The following PDGFC variants were observed in gnomAD, a reference collection of about 807,000 sequenced individuals.
The protein encoded by PDGFC is platelet derived growth factor C.
PDGFC carries 12 observed loss-of-function variants against 35.5 expected under a neutral mutation model. The observed-to-expected ratio is 0.34, with a 90% CI of 0.22 to 0.55. The LOEUF (loss-of-function observed/expected upper bound fraction) is 0.55, where lower values mean the gene tolerates loss of function less well. Among genes scored for constraint, PDGFC ranks in the 20% least tolerant of loss-of-function variants. The probability of loss-of-function intolerance (pLI) is 0.91; values close to 1 mark genes in which losing one functional copy is unlikely to be tolerated. For synonymous variants in PDGFC, 159 were observed against 148.8 expected (o/e 1.07, Z -0.50); for missense variants, 322 against 412.4 (o/e 0.78, Z 1.90).
chr4:156,921,283 G>A (rs1018683310), intron 1 of PDGFC, among the ~76,000 whole-genome samples: 1 of 152,142 alleles, frequency 6.6e-6, no homozygotes, highest in African/African-American at 2.4e-5. Context: ...ATAAGGGGTG[G>A]TGATCAGAAT....
At chr4:156,936,146 C>T (rs1408397700) in intron 1 of PDGFC, among the ~76,000 whole-genome samples, 1 of 152,200 alleles carries the variant, frequency 6.6e-6, no homozygotes, top group African/African-American at 2.4e-5. Flanking sequence ...TCTGTGACTT[C>T]CCATCACAGT....
At position 156,762,699 on chromosome 4, in the gene PDGFC, A is replaced by G. The variant is rs1730408818; in HGVS notation, c.*391T>C. ...ATGGAGCTTTAGAGTTAAGCAAGGC[A>G]ACGGAATCAGGTGCTCACTTGCACA... is the stretch of plus-strand genomic sequence containing the variant. On this transcript the variant is annotated 3_prime_UTR_variant, in exon 6 of 6. Coordinates refer to ENST00000502773, the MANE Select transcript of PDGFC (RefSeq NM_016205.3). 6.4e-6 allele frequency: 1 copy of G among 156,790 alleles called. No homozygotes were observed. The allele number at this position is 156,790 out of a possible 1,614,324, so 9.7% of individuals were successfully genotyped here.
intron 3 of PDGFC, among the ~76,000 whole-genome samples, chr4:156,807,174 A>C (rs2110933053): frequency 6.6e-6 from 1 of 152,152 alleles, no homozygotes; most frequent in African/African-American, 2.4e-5. Flanking sequence ...GGAGAATAAT[A>C]TTTCTATAAA....
At chr4:156,909,251 T>C (rs1256878905) in intron 1 of PDGFC, among the ~76,000 whole-genome samples, 2 of 152,204 alleles carry the variant, frequency 1.3e-5, no homozygotes, top group Non-Finnish European at 1.5e-5. Context: ...TTTTATGGTA[T>C]GTGAATTATA....
chr4:156,884,416 A>T (rs1730326593), intron 1 of PDGFC, among the ~76,000 whole-genome samples: 1 of 152,190 alleles, frequency 6.6e-6, no homozygotes, highest in Admixed American at 6.5e-5. Context: ...TGCAGATCAC[A>T]CCGAACCTAG....
rs115874043 is a variant in PDGFC at position 156,792,130 on chromosome 4, C to A, written c.495+18707G>T. Among the ~76,000 whole-genome samples, 369 of 152,216 alleles carry A rather than the reference C, an allele frequency of 2.4e-3. 2 individuals carry two copies. The highest frequency in any genetic ancestry group is 8.4e-3 in the African/African-American group (350 of 41,520). ...CTTTGTCTGCTTAAAACAAATGTGA[C>A]CAGTGAACTGAAATTCTTAATGTTC... is the stretch of plus-strand genomic sequence containing the variant. On this transcript the variant is annotated intron_variant, in intron 3 of 5. Transcript: ENST00000502773.
At chr4:156,770,595 T>TTACAAACAACA (rs1730669128) in intron 4 of PDGFC, 1 of 152,084 alleles carries the variant, frequency 6.6e-6, no homozygotes, top group African/African-American at 2.4e-5. Context: ...CTCTGCCAAA[T>TTACAAACAACA]ATTTGTAAAA....
intron 1 of PDGFC, among the ~76,000 whole-genome samples, chr4:156,923,236 G>A (rs908206559): frequency 6.6e-6 from 1 of 151,896 alleles, no homozygotes; most frequent in African/African-American, 2.4e-5. Context: ...TCCTTCACCA[G>A]GCTGACCTGG....
At chr4:156,890,898 C>A (rs1392090959) in intron 1 of PDGFC, among the ~76,000 whole-genome samples, 1 of 151,896 alleles carries the variant, frequency 6.6e-6, no homozygotes, top group Non-Finnish European at 1.5e-5. Flanking sequence ...TGTATGTATC[C>A]ATTTGGTAAT....
At chr4:156,826,186 T>C in intron 2 of PDGFC, among the ~76,000 whole-genome samples, 1 of 101,958 alleles carries the variant, frequency 9.8e-6, no homozygotes, top group East Asian at 2.9e-4. Flanking sequence ...TTTTTTTTTT[T>C]TTTTTTTTTT....
chr4:156,816,764 T>C (rs1464858518), intron 2 of PDGFC, among the ~76,000 whole-genome samples: 3 of 152,188 alleles, frequency 2.0e-5, no homozygotes, highest in Non-Finnish European at 4.4e-5. Context: ...AATATGCCTA[T>C]ATAATTATAT....
chr4:156,876,582 A>T (rs1464464823), intron 1 of PDGFC: 1 of 152,200 alleles, frequency 6.6e-6, no homozygotes, highest in Non-Finnish European at 1.5e-5. Flanking sequence ...AAAATGAAAA[A>T]GTTTGAGAAA....
In PDGFC at chr4:156,971,242, A is replaced by G; in HGVS notation, c.-339T>C. 2.3e-6 allele frequency: 1 copy of G among 433,792 alleles called. No homozygotes were observed. Among genetic ancestry groups the G allele is most frequent in the Non-Finnish European group, 4.1e-6 (1 of 245,608 alleles). 26.9% of individuals were successfully genotyped at this position (433,792 alleles called of 1,614,324 possible). ...GTGGGGACGCGGGGGAGCGGCGAGAAGTCCCCAGCAAGTTGCTGGGAGCAC... is the reference window on the plus strand; with the variant it reads ...GTGGGGACGCGGGGGAGCGGCGAGAGGTCCCCAGCAAGTTGCTGGGAGCAC... On this transcript the variant is annotated 5_prime_UTR_variant, in exon 1 of 6. Transcript: ENST00000502773.
At chr4:156,805,481 T>A (rs1024514970) in intron 3 of PDGFC, among the ~76,000 whole-genome samples, 2 of 152,072 alleles carry the variant, frequency 1.3e-5, no homozygotes, top group African/African-American at 4.8e-5. Flanking sequence ...TGCAATAAGT[T>A]ATGAAAATTT....
chr4:156,809,088 C>A (rs1414352357), intron 3 of PDGFC, among the ~76,000 whole-genome samples: 1 of 152,004 alleles, frequency 6.6e-6, no homozygotes, highest in Non-Finnish European at 1.5e-5. Flanking sequence ...TATGCCTTTA[C>A]TCCCCACATG....
chr4:156,945,915 C>T (rs948698930), intron 1 of PDGFC, among the ~76,000 whole-genome samples: 2 of 152,036 alleles, frequency 1.3e-5, no homozygotes, highest in Non-Finnish European at 2.9e-5. Context: ...GAGCTGATCG[C>T]GTCTGATCCA....
chr4:156,877,966 T>C (rs979536279), intron 1 of PDGFC, among the ~76,000 whole-genome samples: 4 of 152,188 alleles, frequency 2.6e-5, no homozygotes, highest in Non-Finnish European at 5.9e-5. Flanking sequence ...TTGTCTCTCA[T>C]AGCACATATA....
Position 156,971,253 on chromosome 4 carries a change from A to G in PDGFC, c.-350T>C, listed in dbSNP as rs1310221825. ...GGGGAGCGGCGAGAAGTCCCCAGCA[A>G]GTTGCTGGGAGCACCTGTCAGTTCG... is the stretch of plus-strand genomic sequence containing the variant. On this transcript the variant is annotated 5_prime_UTR_variant, in exon 1 of 6. Coordinates refer to ENST00000502773, the MANE Select transcript of PDGFC (RefSeq NM_016205.3). The G allele has an allele frequency of 2.3e-5, 10 of 432,570 alleles. No individual in the cohort carries two copies. The allele number at this position is 432,570 out of a possible 1,614,324, so 26.8% of individuals were successfully genotyped here.
intron 3 of PDGFC, among the ~76,000 whole-genome samples, chr4:156,793,929 C>G (rs189913488): frequency 6.6e-6 from 1 of 152,120 alleles, no homozygotes; most frequent in Admixed American, 6.5e-5. Context: ...AACACCCTTG[C>G]AGTGAGATTC....
Sources: gnomAD v4.1 joint callset for allele counts (sites outside exome capture counted in the v4.1 genomes callset) on GRCh38, gnomAD v4.1.1 for gene constraint, MANE v1.5 for transcripts, NCBI Gene and HGNC (gene_info 2026-07-23, HGNC 2026-07-21) for gene names.